Variants in CNTNAP2 observed in about 807,000 individuals in gnomAD.
CNTNAP2 encodes the protein contactin-associated protein-like 2.
A neutral mutation model predicts 155.2 loss-of-function variants in CNTNAP2; 98 were observed. That is an observed-to-expected ratio of 0.63 (90% CI 0.54 to 0.75). The LOEUF (loss-of-function observed/expected upper bound fraction) is 0.75, where lower values mean the gene tolerates loss of function less well. Ranked by LOEUF, CNTNAP2 falls within the 30% of genes least tolerant of loss-of-function variation. The pLI, the probability that CNTNAP2 is intolerant of heterozygous loss-of-function variation, is 0.00. For missense variants in CNTNAP2, 1,727 were observed against 1,688.1 expected (o/e 1.02, Z -0.40); for synonymous variants, 651 against 631.2 (o/e 1.03, Z -0.47).
intron 1 of CNTNAP2, among the ~76,000 whole-genome samples, chr7:146,710,715 T>C (rs1196933639): frequency 6.6e-6 from 1 of 152,150 alleles, no homozygotes; most frequent in Non-Finnish European, 1.5e-5. Flanking sequence ...TTACAGGCAA[T>C]GTCTCACAGA....
At chr7:146,830,572 T>G (rs1261018358) in intron 2 of CNTNAP2, among the ~76,000 whole-genome samples, 2 of 152,176 alleles carry the variant, frequency 1.3e-5, no homozygotes, top group Admixed American at 1.3e-4. Flanking sequence ...CCCTGTATAT[T>G]ATTTCATAAA....
chr7:148,324,733 T>C (rs1797860068), intron 21 of CNTNAP2, among the ~76,000 whole-genome samples: 1 of 139,948 alleles, frequency 7.1e-6, no homozygotes. Flanking sequence ...GGGATGTGGT[T>C]GCAATGAGCC....
intron 1 of CNTNAP2, among the ~76,000 whole-genome samples, chr7:146,666,761 AT>A (rs1205018113): frequency 1.3e-5 from 2 of 152,008 alleles, no homozygotes; most frequent in Non-Finnish European, 2.9e-5. Flanking sequence ...GGTGTTGAGC[AT>A]TTTTCATTTG....
chr7:147,968,334 T>C (rs1012057331), intron 14 of CNTNAP2, among the ~76,000 whole-genome samples: 3 of 152,258 alleles, frequency 2.0e-5, no homozygotes, highest in African/African-American at 7.2e-5. Flanking sequence ...TAATTGAATC[T>C]GTAATTACTT....
intron 2 of CNTNAP2, among the ~76,000 whole-genome samples, chr7:146,825,441 A>G (rs766932511): frequency 2.0e-5 from 3 of 152,134 alleles, no homozygotes; most frequent in Non-Finnish European, 4.4e-5. Context: ...ATCACTCACT[A>G]TGCATGAGTC....
intron 1 of CNTNAP2, among the ~76,000 whole-genome samples, chr7:146,363,011 C>G (rs543166998): frequency 6.6e-6 from 1 of 152,028 alleles, no homozygotes; most frequent in South Asian, 2.1e-4. Flanking sequence ...CCTCATGATC[C>G]GCCTGCCTCG....
At chr7:147,934,480 T>C (rs1362454742) in intron 14 of CNTNAP2, among the ~76,000 whole-genome samples, 3 of 152,206 alleles carry the variant, frequency 2.0e-5, no homozygotes, top group African/African-American at 4.8e-5. Context: ...GCCCCCATGA[T>C]TGAATTACTG....
intron 14 of CNTNAP2, among the ~76,000 whole-genome samples, chr7:147,975,026 A>ATATAATACAATTTTTTGTATTAGG (rs1563154332): frequency 7.3e-6 from 1 of 137,042 alleles, no homozygotes; most frequent in Non-Finnish European, 1.6e-5. Flanking sequence ...TTTGTATTAC[A>ATATAATACAATTTTTTGTATTAGG]TATAATACAA....
intron 3 of CNTNAP2, among the ~76,000 whole-genome samples, chr7:146,942,544 A>G (rs1342162216): frequency 6.6e-6 from 1 of 152,148 alleles, no homozygotes; most frequent in Non-Finnish European, 1.5e-5. Context: ...GTTATTATTA[A>G]AAACAAAAAA....
At chr7:147,068,986 AC>A (rs1476774436) in intron 4 of CNTNAP2, among the ~76,000 whole-genome samples, 19 of 152,158 alleles carry the variant, frequency 1.2e-4, no homozygotes, top group African/African-American at 4.6e-4. Context: ...GACCTCAGAA[AC>A]TTTTACTCGT....
intron 4 of CNTNAP2, among the ~76,000 whole-genome samples, chr7:147,091,327 C>T (rs911076964): frequency 2.0e-4 from 31 of 152,048 alleles, no homozygotes; most frequent in African/African-American, 7.5e-4. Flanking sequence ...CATGAGAAAG[C>T]TGGCATCACT....
intron 15 of CNTNAP2, among the ~76,000 whole-genome samples, chr7:148,006,876 C>T (rs1369412542): frequency 2.0e-5 from 3 of 152,152 alleles, no homozygotes; most frequent in South Asian, 2.1e-4. Context: ...TTTGTATCTT[C>T]AGGTTGAGGC....
At chr7:147,044,806 T>TATCC (rs2129255693) in intron 4 of CNTNAP2, among the ~76,000 whole-genome samples, 1 of 152,234 alleles carries the variant, frequency 6.6e-6, no homozygotes, top group South Asian at 2.1e-4. Context: ...CTGTCCTTTT[T>TATCC]ATCCTTATCC....
chr7:146,271,800 C>T lies in CNTNAP2; in HGVS notation c.97+154827C>T, dbSNP rs568357703. On this transcript the variant is annotated intron_variant, in intron 1 of 23. Coordinates refer to ENST00000361727, the MANE Select transcript of CNTNAP2 (RefSeq NM_014141.6). ...TCTTAAATTAAAAACCATGTTTATT[C>T]AGATTTATGCACATCTTTATTTCAG... Among the ~76,000 whole-genome samples, 3 of 152,086 alleles carry T rather than the reference C, an allele frequency of 2.0e-5. No homozygotes were observed. The South Asian group carries it at 6.2e-4, about 32-fold the overall frequency.
At chr7:146,671,800 CT>C (rs1347367128) in intron 1 of CNTNAP2, among the ~76,000 whole-genome samples, 13 of 151,526 alleles carry the variant, frequency 8.6e-5, no homozygotes, top group South Asian at 2.1e-4. Flanking sequence ...CTTTTCTTTT[CT>C]TTTTTTTATT....
At chr7:146,731,358 T>C (rs771157137) in intron 1 of CNTNAP2, among the ~76,000 whole-genome samples, 16 of 151,806 alleles carry the variant, frequency 1.1e-4, no homozygotes, top group Non-Finnish European at 2.1e-4. Context: ...ACGTGCAATA[T>C]TTTATTTATT....
intron 4 of CNTNAP2, among the ~76,000 whole-genome samples, chr7:147,055,246 C>A (rs1423243702): frequency 6.6e-6 from 1 of 152,180 alleles, no homozygotes; most frequent in South Asian, 2.1e-4. Context: ...ATGATCACGG[C>A]TCTATGGAAA....
intron 1 of CNTNAP2, among the ~76,000 whole-genome samples, chr7:146,321,720 GA>G (rs937348552): frequency 2.6e-5 from 4 of 152,068 alleles, no homozygotes; most frequent in African/African-American, 9.7e-5. Flanking sequence ...ACAAAGCTAG[GA>G]AAAGAGATGT....
At chr7:147,389,881 C>T (rs1354863640) in intron 9 of CNTNAP2, among the ~76,000 whole-genome samples, 2 of 152,142 alleles carry the variant, frequency 1.3e-5, no homozygotes, top group African/African-American at 4.8e-5. Context: ...TATATTTTTA[C>T]TAACTTGACA....
Sources: gnomAD v4.1 joint callset for allele counts (sites outside exome capture counted in the v4.1 genomes callset) on GRCh38, gnomAD v4.1.1 for gene constraint, MANE v1.5 for transcripts, NCBI Gene and HGNC (gene_info 2026-07-23, HGNC 2026-07-21) for gene names.